ZNF354C: variants seen among roughly 807,000 people sequenced by gnomAD.
ZNF354C encodes the protein KRAB-zinc finger protein synten.
A neutral mutation model predicts 12.4 loss-of-function variants in ZNF354C; 7 were observed. That is an observed-to-expected ratio of 0.56 (90% confidence interval 0.32 to 1.06). The LOEUF is 1.06. Among genes scored for constraint, ZNF354C ranks in the 50% least tolerant of loss-of-function variants. The pLI is 0.04. For missense variants in ZNF354C, 609 were observed against 658.0 expected, an observed-to-expected ratio of 0.93 and a Z score of 0.81; for synonymous variants, 202 against 224.5, an observed-to-expected ratio of 0.90 and a Z score of 0.90.
intron 2 of ZNF354C, among the ~76,000 whole-genome samples, chr5:179,071,131 G>A (rs1250627771): frequency 2.6e-5 from 4 of 152,084 alleles, no homozygotes; most frequent in South Asian, 2.1e-4. Context: ...GATTACAGGC[G>A]TGAGCCACTG....
Position 179,082,006 on chromosome 5 carries a change from A to ACTC in ZNF354C, c.*1910_*1912dup, listed in dbSNP as rs1680889198. The stretch of plus-strand genomic sequence containing the variant: ...ATGATGAAAGTAGAGAAAAAAGAAA[A>ACTC]CTCTATACAATTATTTGAAGAATGT... On this transcript the variant is annotated 3_prime_UTR_variant, in exon 5 of 5. Transcript: ENST00000315475. The ACTC allele has an allele frequency of 6.6e-6, 1 of 152,112 alleles. No individual in the cohort carries two copies. The highest frequency in any genetic ancestry group is 2.1e-4 in the South Asian group (1 of 4,832). The allele number at this position is 152,112 out of a possible 1,614,324, so 9.4% of individuals were successfully genotyped here. A position where few individuals can be genotyped will look rare whatever the true frequency, so the allele number is the denominator to read the frequency against.
chr5:179,065,627 G>A (rs1165699165), intron 2 of ZNF354C, among the ~76,000 whole-genome samples: 3 of 152,208 alleles, frequency 2.0e-5, no homozygotes, highest in South Asian at 2.1e-4. Flanking sequence ...TGTTGGCTGG[G>A]CTGGTCTCGA....
intron 2 of ZNF354C, among the ~76,000 whole-genome samples, chr5:179,065,407 T>A (rs1761946383): frequency 6.6e-6 from 1 of 151,878 alleles, no homozygotes; most frequent in African/African-American, 2.4e-5. Context: ...TTGTTTTTTG[T>A]TTTTGTTTTT....
chr5:179,082,721 C>G lies in ZNF354C; in HGVS notation c.*2624C>G. The G allele has an allele frequency of 6.4e-7, 1 of 1,573,034 alleles. No individual in the cohort carries two copies. Among genetic ancestry groups the G allele is most frequent in the Non-Finnish European group, 8.7e-7 (1 of 1,144,924 alleles). ...GGATCTTTCTTTCTGCACCAAACCCCATTGAGTTATCTGGTCCCCTTGGCT... is the reference window on the plus strand; with the variant it reads ...GGATCTTTCTTTCTGCACCAAACCCGATTGAGTTATCTGGTCCCCTTGGCT... On this transcript the variant is annotated 3_prime_UTR_variant, in exon 5 of 5. Transcript: ENST00000315475.
At chr5:179,068,093 C>G (rs1761983003) in intron 2 of ZNF354C, among the ~76,000 whole-genome samples, 1 of 151,158 alleles carries the variant, frequency 6.6e-6, no homozygotes, top group African/African-American at 2.4e-5. Flanking sequence ...CCCAGGAGTT[C>G]AAGGCTGTAG....
chr5:179,076,057 C>G (rs953416480), intron 2 of ZNF354C, among the ~76,000 whole-genome samples: 2 of 152,196 alleles, frequency 1.3e-5, no homozygotes, highest in Non-Finnish European at 2.9e-5. Context: ...TTTCCTTGCC[C>G]TTTTCACCGT....
At chr5:179,069,205 C>A (rs1368311953) in intron 2 of ZNF354C, among the ~76,000 whole-genome samples, 1 of 151,780 alleles carries the variant, frequency 6.6e-6, no homozygotes, top group Non-Finnish European at 1.5e-5. Context: ...CCTCATTGTA[C>A]CCTCCAGCAT....
At chr5:179,073,640 T>C (rs928556937) in intron 2 of ZNF354C, among the ~76,000 whole-genome samples, 1 of 152,058 alleles carries the variant, frequency 6.6e-6, no homozygotes, top group African/African-American at 2.4e-5. Context: ...AAAGGCAGCA[T>C]GGTTTTTTGT....
At chr5:179,071,951 T>G (rs1025301506) in intron 2 of ZNF354C, among the ~76,000 whole-genome samples, 2 of 152,134 alleles carry the variant, frequency 1.3e-5, no homozygotes, top group Non-Finnish European at 2.9e-5. Context: ...AACTACCTGC[T>G]TAAAAAAGTC....
Position 179,081,388 on chromosome 5 carries a change from T to C in ZNF354C, c.*1291T>C, listed in dbSNP as rs1762224776. The C allele has an allele frequency of 6.6e-6, 1 of 152,156 alleles. No homozygotes were observed. Among genetic ancestry groups the C allele is most frequent in the South Asian group, 2.1e-4 (1 of 4,826 alleles). The allele number at this position is 152,156 out of a possible 1,614,324, so 9.4% of individuals were successfully genotyped here. A position where few individuals can be genotyped will look rare whatever the true frequency, so the allele number is the denominator to read the frequency against. ...AAAGTTATATATGAAGAGTTTATTATTAAGCATTCCTTTCATCAGTTTAAA... is the reference window on the plus strand; with the variant it reads ...AAAGTTATATATGAAGAGTTTATTACTAAGCATTCCTTTCATCAGTTTAAA... On this transcript the variant is annotated 3_prime_UTR_variant, in exon 5 of 5. Transcript: ENST00000315475.
chr5:179,082,614 T>G lies in ZNF354C; in HGVS notation c.*2517T>G, dbSNP rs1762244474. 3.9e-6 allele frequency: 5 copies of G among 1,288,912 alleles called. No homozygotes were observed. The highest frequency in any genetic ancestry group is 3.4e-6 in the Non-Finnish European group (3 of 887,410). The allele number at this position is 1,288,912 out of a possible 1,614,324, so 79.8% of individuals were successfully genotyped here. On this transcript the variant is annotated 3_prime_UTR_variant, in exon 5 of 5. Coordinates refer to ENST00000315475, the MANE Select transcript of ZNF354C (RefSeq NM_014594.3). Reference sequence around the variant, plus strand: ...ATGAAGAGGGAGATATTCAGAAACCTTCACCAGATTCCTCCCAACTTGATC... The same window carrying G: ...ATGAAGAGGGAGATATTCAGAAACCGTCACCAGATTCCTCCCAACTTGATC...
intron 2 of ZNF354C, among the ~76,000 whole-genome samples, chr5:179,064,441 G>C (rs1761934328): frequency 6.6e-6 from 1 of 151,646 alleles, no homozygotes; most frequent in East Asian, 1.9e-4. Context: ...TTTGGAGACA[G>C]AGTCTTGCTC....
chr5:179,081,464 A>T lies in ZNF354C; in HGVS notation c.*1367A>T, dbSNP rs1762225510. On this transcript the variant is annotated 3_prime_UTR_variant, in exon 5 of 5. Transcript: ENST00000315475. ...CCTCCAATTTTATATTTGATTTTTC[A>T]TTCAATTCACAGTTGGTATCATTAA... The T allele has an allele frequency of 6.6e-6, 1 of 152,100 alleles. No homozygotes were observed. The highest frequency in any genetic ancestry group is 2.4e-5 in the African/African-American group (1 of 41,412). The allele number at this position is 152,100 out of a possible 1,614,324, so 9.4% of individuals were successfully genotyped here.
At chr5:179,076,408 T>C in intron 2 of ZNF354C, 37 bp from the exon 3 acceptor site, 1 of 1,612,644 alleles carries the variant, frequency 6.2e-7, no homozygotes, top group Non-Finnish European at 8.5e-7. Flanking sequence ...TTGAAGAAGA[T>C]GGTCCTGGGT....
rs997818559 is a variant in ZNF354C at position 179,078,565 on chromosome 5, T to A, written c.251-118T>A. ...TCTTCCCAAGATTCAAGTCAGCATT[T>A]GAAATCTGATTGTATCACTCTTCTT... is the stretch of plus-strand genomic sequence containing the variant. On this transcript the variant is annotated intron_variant, in intron 4 of 4. Transcript: ENST00000315475. 10 of 786,768 alleles carry A rather than the reference T, an allele frequency of 1.3e-5. No individual in the cohort carries two copies. In the South Asian group the frequency reaches 1.9e-4, roughly 15 times the overall value. 48.7% of individuals were successfully genotyped at this position (786,768 alleles called of 1,614,324 possible).
Position 179,079,421 on chromosome 5 carries a change from G to C in ZNF354C, c.989G>C (p.Cys330Ser). ...CATACTGGAGAGAAACTCTATAAAT[G>C]CGGCGAATGTGAGAAGGCCTTCAAC... ...RIHTGEKLYK[C>S]GECEKAFNCR... The change falls in exon 5 of 5, where the codon TGC becomes TCC. Residue 330 changes from cysteine (C) to serine (S), a missense_variant. Cys to Ser is a moderately radical substitution (Grantham distance 112, BLOSUM62 -1). Coordinates refer to ENST00000315475, the MANE Select transcript of ZNF354C (RefSeq NM_014594.3). This position sits in a 1 kb window ranked among gnomAD's most constrained non-coding sequence, Gnocchi z 4.2. The C allele has an allele frequency of 6.2e-7, 1 of 1,614,048 alleles. No homozygotes were observed. The highest frequency in any genetic ancestry group is 8.5e-7 in the Non-Finnish European group (1 of 1,179,998).
chr5:179,065,073 T>C (rs1167857875), intron 2 of ZNF354C, among the ~76,000 whole-genome samples: 1 of 152,196 alleles, frequency 6.6e-6, no homozygotes, highest in Admixed American at 6.5e-5. Flanking sequence ...AAGAATAATC[T>C]TTATTTTTTT....
rs747161604 is a variant in ZNF354C at position 179,079,838 on chromosome 5, A to T, written c.1406A>T (p.Gln469Leu). Residue 469 changes from glutamine (Q) to leucine (L), a missense_variant, in exon 5 of 5, where the codon CAG (glutamine) becomes CTG (leucine). Coordinates refer to ENST00000315475, the MANE Select transcript of ZNF354C (RefSeq NM_014594.3). The surrounding 1 kb of genome is among the most constrained non-coding windows in gnomAD (Gnocchi z 4.2). The stretch of plus-strand genomic sequence containing the variant: ...ATTCATACTGGAGAGAAACCGTATC[A>T]GTGTAATCAGTGTGGAAAGGCCTTC... ...QRIHTGEKPYQCNQCGKAFSQ... is the reference protein window; with the variant it reads ...QRIHTGEKPYLCNQCGKAFSQ... 6.2e-7 allele frequency: 1 copy of T among 1,614,150 alleles called. No homozygotes were observed. The highest frequency in any genetic ancestry group is 8.5e-7 in the Non-Finnish European group (1 of 1,180,010).
At chr5:179,072,805 AATT>A (rs1762067738) in intron 2 of ZNF354C, among the ~76,000 whole-genome samples, 1 of 152,232 alleles carries the variant, frequency 6.6e-6, no homozygotes. Context: ...ATCAATATAA[AATT>A]ATTGAGATAA....
Sources: allele counts gnomAD v4.1 joint callset (sites outside exome capture counted in the v4.1 genomes callset), GRCh38; gene constraint gnomAD v4.1.1; non-coding constraint Gnocchi (gnomAD v3.1); transcripts MANE v1.5; gene names NCBI Gene and HGNC (gene_info 2026-07-23, HGNC 2026-07-21).